The following PACSIN2 variants were observed in gnomAD, a reference collection of about 807,000 sequenced individuals.
The protein encoded by PACSIN2 is protein kinase C and casein kinase substrate in neurons 2.
A neutral mutation model predicts 63.8 loss-of-function variants in PACSIN2; 25 were observed. The observed-to-expected ratio is 0.39, with a 90% CI of 0.29 to 0.55. PACSIN2 has a LOEUF of 0.55. Among genes scored for constraint, PACSIN2 ranks in the 20% least tolerant of loss-of-function variants. The pLI is 0.62. For synonymous variants in PACSIN2, 255 were observed against 256.2 expected (o/e 1.00, Z 0.05); for missense variants, 518 against 646.9 (o/e 0.80, Z 2.16).
At position 42,951,807 on chromosome 22, in the gene PACSIN2, C is replaced by G. The variant is rs550503828; in HGVS notation, c.-77-39650G>C. 3.1e-3 allele frequency among the ~76,000 whole-genome samples: 471 copies of G among 152,286 alleles called. 3 individuals are homozygous for G. The highest frequency in any genetic ancestry group is 0.011 in the African/African-American group (464 of 41,558). The stretch of plus-strand genomic sequence containing the variant: ...ATACTCCCCACCCTGATTACAAGGT[C>G]CCATGTGATTCTAGCCCCTGCTTCC... On this transcript the variant is annotated intron_variant, in intron 1 of 10. Coordinates refer to ENST00000263246, the MANE Select transcript of PACSIN2 (RefSeq NM_001184970.3).
At chr22:42,899,412 C>A (rs775607607) in intron 2 of PACSIN2, among the ~76,000 whole-genome samples, 27 of 152,124 alleles carry the variant, frequency 1.8e-4, no homozygotes, top group Non-Finnish European at 3.7e-4. Flanking sequence ...CTCGGCCTCC[C>A]GAGTAGCTGG....
At chr22:42,995,386 A>G (rs1289992933) in intron 1 of PACSIN2, among the ~76,000 whole-genome samples, 2 of 152,158 alleles carry the variant, frequency 1.3e-5, no homozygotes, top group East Asian at 3.9e-4. Flanking sequence ...GTCACAATAA[A>G]GGTTCTGCTT....
At chr22:43,010,198 G>A (rs958702786) in intron 1 of PACSIN2, among the ~76,000 whole-genome samples, 6 of 151,068 alleles carry the variant, frequency 4.0e-5, no homozygotes, top group African/African-American at 1.2e-4. Flanking sequence ...TCTCATCTCC[G>A]TCTAGTTCAG....
rs1388314819 is a variant in PACSIN2, at chr22:42,984,027, A to G, written c.-78+30994T>C. The stretch of plus-strand genomic sequence containing the variant: ...GCTCTGTCACCAAGGCTGGAGTGCA[A>G]TGATGAAATCTTGGCTCACTGCAGC... On this transcript the variant is annotated intron_variant, in intron 1 of 10. Transcript: ENST00000263246. Among the ~76,000 whole-genome samples, 3 of 142,110 alleles carry G rather than the reference A, an allele frequency of 2.1e-5. No homozygotes were observed. In the Admixed American group the frequency reaches 2.2e-4, roughly 10 times the overall value. 93.2% of individuals were successfully genotyped at this position (142,110 alleles called of 152,430 possible).
At chr22:42,891,264 T>C (rs1929894567) in intron 3 of PACSIN2, 82 bp from the exon 4 acceptor site, 6 of 859,022 alleles carry the variant, frequency 7.0e-6, no homozygotes, top group Non-Finnish European at 1.9e-6. Flanking sequence ...CTGTTCAATG[T>C]GGCCATTTAG....
At position 42,871,443 on chromosome 22, in the gene PACSIN2, C is replaced by T. The variant is rs748881853; in HGVS notation, c.1375G>A (p.Glu459Lys). Residue 459 changes from glutamate to lysine, a missense_variant, in exon 11 of 11, where the codon GAG becomes AAG. Glu to Lys is a moderately conservative substitution (Grantham distance 56). This residue lies in a region of PACSIN2 where 507 missense variants were observed against 612.3 expected (regional missense o/e 0.83). Coordinates refer to ENST00000263246, the MANE Select transcript of PACSIN2 (RefSeq NM_001184970.3). This position sits in a 1 kb window ranked among gnomAD's most constrained non-coding sequence, Gnocchi z 5.4. Reference sequence around the variant, plus strand: ...CCCTTGCACCAGCCCTGCTCATCCTCGTCCTCCATCTTGGTCAGCTCATCC... The same window carrying T: ...CCCTTGCACCAGCCCTGCTCATCCTTGTCCTCCATCTTGGTCAGCTCATCC... ...AGDELTKMED[E>K]DEQGWCKGRL... is the part of the protein sequence containing the mutation. The T allele has an allele frequency of 4.5e-5, 73 of 1,614,040 alleles. No individual in the cohort carries two copies. The highest frequency in any genetic ancestry group is 1.6e-4 in the Middle Eastern group (1 of 6,084).
chr22:42,940,778 A>G (rs970893196), intron 1 of PACSIN2, among the ~76,000 whole-genome samples: 2 of 152,326 alleles, frequency 1.3e-5, no homozygotes, highest in African/African-American at 4.8e-5. Flanking sequence ...TACAAATGGA[A>G]AAGACCCAAA....
intron 1 of PACSIN2, among the ~76,000 whole-genome samples, chr22:43,011,737 C>T (rs1418566088): frequency 6.6e-6 from 1 of 152,068 alleles, no homozygotes; most frequent in Non-Finnish European, 1.5e-5. Flanking sequence ...ACTAACCAGG[C>T]AAGGTGGCAG....
chr22:42,970,972 T>C (rs1283886053), intron 1 of PACSIN2, among the ~76,000 whole-genome samples: 3 of 152,130 alleles, frequency 2.0e-5, no homozygotes, highest in Non-Finnish European at 4.4e-5. Flanking sequence ...CACAGCCCTC[T>C]CTGCTACAGC....
chr22:42,889,640 G>A (rs542885161), intron 4 of PACSIN2, among the ~76,000 whole-genome samples: 52 of 152,200 alleles, frequency 3.4e-4, no homozygotes, highest in Admixed American at 5.2e-4. Context: ...GGAAGGCAGC[G>A]CAAGGCCAGA....
intron 2 of PACSIN2, among the ~76,000 whole-genome samples, chr22:42,910,193 A>C (rs1171749688): frequency 6.6e-6 from 1 of 152,134 alleles, no homozygotes; most frequent in Admixed American, 6.5e-5. Flanking sequence ...TATCCCTCAC[A>C]AGGAAGGGCC....
chr22:42,885,370 G>A (rs978709094), intron 5 of PACSIN2, among the ~76,000 whole-genome samples: 1 of 152,100 alleles, frequency 6.6e-6, no homozygotes, highest in African/African-American at 2.4e-5. Flanking sequence ...GATCATGGTC[G>A]TGTTGTCCCC....
chr22:42,971,795 G>A (rs1921306517), intron 1 of PACSIN2, among the ~76,000 whole-genome samples: 2 of 151,386 alleles, frequency 1.3e-5, no homozygotes, highest in African/African-American at 4.9e-5. Context: ...CCATCCGGGA[G>A]GGAGGTGGGG....
chr22:42,996,089 G>C (rs545630534), intron 1 of PACSIN2, among the ~76,000 whole-genome samples: 1 of 151,840 alleles, frequency 6.6e-6, no homozygotes, highest in African/African-American at 2.4e-5. Flanking sequence ...GCGTGGTGGT[G>C]GGCGCCTGTA....
chr22:42,875,078 C>T (rs1274476136), intron 10 of PACSIN2, among the ~76,000 whole-genome samples: 1 of 151,918 alleles, frequency 6.6e-6, no homozygotes, highest in African/African-American at 2.4e-5. Context: ...TCTCAATCTC[C>T]TGACCTCGTG....
intron 2 of PACSIN2, among the ~76,000 whole-genome samples, chr22:42,903,138 G>A (rs1348433598): frequency 6.6e-6 from 1 of 152,204 alleles, no homozygotes; most frequent in East Asian, 1.9e-4. Context: ...CAGGGCCTGA[G>A]TTAGTTTATC....
At position 42,912,039 on chromosome 22, in the gene PACSIN2, G is replaced by T; in HGVS notation, c.42C>A (p.Ser14=). ...GCATTACCTCCCAGAAGCTGTCGCT[G>T]GACACTTCTACTCCAACGGAATCAT... ...TYDDSVGVEV[S]SDSFWEVGNY... The change falls in exon 2 of 11, where the codon TCC becomes TCA. Residue 14 remains serine, a synonymous_variant. Transcript: ENST00000263246. 1.2e-6 allele frequency: 2 copies of T among 1,606,586 alleles called. No individual in the cohort carries two copies. The highest frequency in any genetic ancestry group is 1.1e-5 in the South Asian group (1 of 89,648).
chr22:42,963,440 T>C (rs1920930451), intron 1 of PACSIN2, among the ~76,000 whole-genome samples: 1 of 152,144 alleles, frequency 6.6e-6, no homozygotes, highest in Non-Finnish European at 1.5e-5. Context: ...GGGGATTCTT[T>C]CGCCCAGCGG....
chr22:42,892,418 C>T (rs1204563564), intron 3 of PACSIN2, among the ~76,000 whole-genome samples: 3 of 152,158 alleles, frequency 2.0e-5, no homozygotes, highest in Non-Finnish European at 2.9e-5. Flanking sequence ...TCTGTGCCTT[C>T]GTGTCTACAA....
Sources: allele counts gnomAD v4.1 joint callset (sites outside exome capture counted in the v4.1 genomes callset), GRCh38; gene constraint gnomAD v4.1.1; regional missense constraint gnomAD v4.1.1; non-coding constraint Gnocchi (gnomAD v3.1); transcripts MANE v1.5; gene names NCBI Gene and HGNC (gene_info 2026-07-23, HGNC 2026-07-21).